Variants in NAA11 observed in about 807,000 individuals in gnomAD.
NAA11 encodes N-alpha-acetyltransferase 11, NatA catalytic subunit.
A neutral mutation model predicts 16.1 loss-of-function variants in NAA11; 15 were observed. The observed-to-expected ratio is 0.93, with a 90% CI of 0.62 to 1.44. NAA11 has a LOEUF of 1.44. Among genes scored for constraint, NAA11 ranks in the 40% most tolerant of loss-of-function variants. NAA11 has a pLI of 0.00. For missense variants in NAA11, 298 were observed against 291.3 expected, an observed-to-expected ratio of 1.02 and a Z score of -0.17; for synonymous variants, 122 against 112.4, an observed-to-expected ratio of 1.09 and a Z score of -0.54.
At chr4:79,315,730 CA>C (rs199872768), downstream of NAA11, among the ~76,000 whole-genome samples, 128 of 151,262 alleles carry the variant, frequency 8.5e-4, no homozygotes, top group African/African-American at 3.0e-3. Context: ...AATGCTATTA[CA>C]AAAAAAATGG....
chr4:79,176,819 T>C, the NAA11 span, among the ~76,000 whole-genome samples: 1 of 152,192 alleles, frequency 6.6e-6, no homozygotes, highest in Non-Finnish European at 1.5e-5. Context: ...GAGCAGGCAA[T>C]GCTTCTATTT....
At chr4:79,199,805 T>C in the NAA11 span, among the ~76,000 whole-genome samples, 15 of 152,012 alleles carry the variant, frequency 9.9e-5, 1 homozygote, top group South Asian at 2.1e-4. Flanking sequence ...TTTCTGTCAC[T>C]AAAATCTAAA....
intron 2 of NAA11, among the ~76,000 whole-genome samples, chr4:79,238,865 G>A (rs1256552886): frequency 6.6e-6 from 1 of 152,144 alleles, no homozygotes; most frequent in Non-Finnish European, 1.5e-5. Flanking sequence ...CTTGGTCAAG[G>A]TTTATGCCAT....
the NAA11 span, among the ~76,000 whole-genome samples, chr4:79,174,572 T>G: frequency 2.0e-5 from 3 of 152,138 alleles, no homozygotes; most frequent in East Asian, 5.8e-4. Context: ...TATTTATATT[T>G]AAAAACTCCA....
At chr4:79,167,533 G>C in the NAA11 span, among the ~76,000 whole-genome samples, 1 of 151,902 alleles carries the variant, frequency 6.6e-6, no homozygotes. Context: ...TGAAGTGCTC[G>C]ATCAGTACCC....
the NAA11 span, among the ~76,000 whole-genome samples, chr4:79,207,362 G>T: frequency 9.3e-6 from 1 of 107,290 alleles, no homozygotes; most frequent in Non-Finnish European, 1.9e-5. Context: ...AAGGTTGAAT[G>T]AGGTTAAAAA....
chr4:79,268,643 A>G (rs919143000), intron 2 of NAA11, among the ~76,000 whole-genome samples: 3 of 152,166 alleles, frequency 2.0e-5, no homozygotes. Flanking sequence ...AAATGACTGC[A>G]TAAGGAATCC....
chr4:79,323,971 C>A (rs1396722749), intron 1 of NAA11, among the ~76,000 whole-genome samples: 1 of 151,206 alleles, frequency 6.6e-6, no homozygotes, highest in Non-Finnish European at 1.5e-5. Flanking sequence ...CCACTGCACT[C>A]CAGCCTGGGC....
intron 1 of NAA11, among the ~76,000 whole-genome samples, chr4:79,303,574 T>C (rs1265999955): frequency 6.6e-6 from 1 of 152,222 alleles, no homozygotes; most frequent in Non-Finnish European, 1.5e-5. Context: ...TAGCTAGCTG[T>C]TCAGACAGGA....
intron 2 of NAA11, among the ~76,000 whole-genome samples, chr4:79,251,686 A>G (rs532325906): frequency 3.3e-5 from 5 of 152,304 alleles, no homozygotes; most frequent in Non-Finnish European, 7.4e-5. Context: ...AAATAATAAT[A>G]AATGACCTGG....
At chr4:79,314,246 T>A (rs964784952), downstream of NAA11, among the ~76,000 whole-genome samples, 11 of 152,192 alleles carry the variant, frequency 7.2e-5, no homozygotes. Context: ...TCTCACCCTT[T>A]CCCATATGTT....
intron 2 of NAA11, among the ~76,000 whole-genome samples, chr4:79,281,990 A>G (rs758963875): frequency 1.9e-4 from 29 of 152,184 alleles, no homozygotes; most frequent in Non-Finnish European, 3.7e-4. Context: ...TTGAAAAGCA[A>G]GAAATTACAT....
intron 1 of NAA11, chr4:79,298,901 C>G (rs1306198706): frequency 6.6e-6 from 1 of 152,262 alleles, no homozygotes; most frequent in Non-Finnish European, 1.5e-5. Flanking sequence ...ATGTTCTCCA[C>G]TGATTTTACT....
the NAA11 span, among the ~76,000 whole-genome samples, chr4:79,220,019 G>A: frequency 2.6e-5 from 4 of 152,148 alleles, no homozygotes; most frequent in Non-Finnish European, 2.9e-5. Flanking sequence ...TCCTATGTGC[G>A]AAGTCAGCCA....
the NAA11 span, among the ~76,000 whole-genome samples, chr4:79,173,205 G>A: frequency 1.3e-5 from 2 of 152,152 alleles, no homozygotes; most frequent in African/African-American, 4.8e-5. Context: ...AAGGTGAAAG[G>A]TTGTGGGGAT....
chr4:79,177,920 A>T, the NAA11 span, among the ~76,000 whole-genome samples: 1 of 152,142 alleles, frequency 6.6e-6, no homozygotes, highest in African/African-American at 2.4e-5. Flanking sequence ...TACTAATATC[A>T]TATGGGGAGA....
At chr4:79,172,479 C>G in the NAA11 span, among the ~76,000 whole-genome samples, 4 of 152,070 alleles carry the variant, frequency 2.6e-5, no homozygotes, top group African/African-American at 7.2e-5. Flanking sequence ...TGCCAGGCAG[C>G]TATTTATTTT....
the NAA11 span, among the ~76,000 whole-genome samples, chr4:79,201,344 C>T: frequency 6.6e-6 from 1 of 151,676 alleles, no homozygotes; most frequent in Admixed American, 6.6e-5. Flanking sequence ...AGAAATACCA[C>T]ATTGAATGTA....
At chr4:79,320,477 C>A (rs576568862) in intron 1 of NAA11, among the ~76,000 whole-genome samples, 5 of 152,294 alleles carry the variant, frequency 3.3e-5, no homozygotes, top group African/African-American at 1.2e-4. Context: ...GTCTGACCAC[C>A]TGAGTTTGCA....
Sources: allele counts gnomAD v4.1 joint callset (sites outside exome capture counted in the v4.1 genomes callset), GRCh38; gene constraint gnomAD v4.1.1; transcripts MANE v1.5; gene names NCBI Gene and HGNC (gene_info 2026-07-23, HGNC 2026-07-21).